The following PCDHA2 variants were observed in gnomAD, a reference collection of about 807,000 sequenced individuals.
PCDHA2 encodes protocadherin alpha-2.
A neutral mutation model predicts 66.0 loss-of-function variants in PCDHA2; 58 were observed. That is an observed-to-expected ratio of 0.88 (90% CI 0.71 to 1.09). PCDHA2 has a LOEUF of 1.09. PCDHA2 is among the 50% of genes least tolerant of loss of function. PCDHA2 has a pLI of 0.00. For synonymous variants in PCDHA2, 634 were observed against 554.0 expected, an observed-to-expected ratio of 1.14 and a Z score of -2.03; for missense variants, 1,267 against 1,242.3, an observed-to-expected ratio of 1.02 and a Z score of -0.30.
At chr5:140,892,891 C>T (rs563104545) in intron 1 of PCDHA2, among the ~76,000 whole-genome samples, 1 of 152,264 alleles carries the variant, frequency 6.6e-6, no homozygotes, top group South Asian at 2.1e-4. Context: ...ATTAACCAAC[C>T]TTTCCCCATC....
rs376836131 is a variant in PCDHA2, at chr5:140,804,922, T to C, written c.2388+7570T>C. Reference sequence around the variant, plus strand: ...CTTCCATTTTCTTTATTTCCTTTTTTGGCACTATCCTTTGTTGCTCCCTTG... The same window carrying C: ...CTTCCATTTTCTTTATTTCCTTTTTCGGCACTATCCTTTGTTGCTCCCTTG... On this transcript the variant is annotated intron_variant, in intron 1 of 3. Coordinates refer to ENST00000526136, the MANE Select transcript of PCDHA2 (RefSeq NM_018905.3). 9 of 985,190 alleles carry C rather than the reference T, an allele frequency of 9.1e-6. No homozygotes were observed. In the African/African-American group the frequency reaches 1.2e-4, roughly 13 times the overall value. 61.0% of individuals were successfully genotyped at this position (985,190 alleles called of 1,614,324 possible). A position where few individuals can be genotyped will look rare whatever the true frequency, so the allele number is the denominator to read the frequency against.
At chr5:140,936,266 A>G (rs1407459228) in intron 1 of PCDHA2, among the ~76,000 whole-genome samples, 1 of 152,182 alleles carries the variant, frequency 6.6e-6, no homozygotes, top group African/African-American at 2.4e-5. Context: ...TCATGAAGAT[A>G]TATTCCTGTG....
At chr5:140,818,362 T>C (rs182657876) in intron 1 of PCDHA2, among the ~76,000 whole-genome samples, 93 of 152,386 alleles carry the variant, frequency 6.1e-4, no homozygotes, top group Non-Finnish European at 1.1e-3. Context: ...ATTGATTGAA[T>C]TCTTAACTTG....
At chr5:140,798,983 C>T (rs1302935518) in intron 1 of PCDHA2, among the ~76,000 whole-genome samples, 1 of 152,178 alleles carries the variant, frequency 6.6e-6, no homozygotes, top group Non-Finnish European at 1.5e-5. Flanking sequence ...TCAGAATATC[C>T]ATTTCCAAGT....
At chr5:140,815,238 G>A (rs1765681734) in intron 1 of PCDHA2, 1 of 151,936 alleles carries the variant, frequency 6.6e-6, no homozygotes, top group African/African-American at 2.4e-5. Flanking sequence ...GTTAATTGTT[G>A]TTTGCAGCTT....
chr5:140,808,653 T>C (rs1554124677), intron 1 of PCDHA2: 2 of 1,613,224 alleles, frequency 1.2e-6, no homozygotes, highest in Admixed American at 1.7e-5. Flanking sequence ...GAGAACGCGC[T>C]GGTGTCCTAC....
intron 1 of PCDHA2, chr5:140,862,219 T>C: frequency 4.8e-6 from 1 of 206,310 alleles, no homozygotes; most frequent in Non-Finnish European, 9.9e-6. Flanking sequence ...ACAGACTTGA[T>C]AGAAGTCTTG....
intron 1 of PCDHA2, among the ~76,000 whole-genome samples, chr5:140,914,496 C>A (rs782459538): frequency 1.2e-4 from 19 of 152,136 alleles, no homozygotes; most frequent in Non-Finnish European, 4.4e-5. Context: ...TTGTGGGCAA[C>A]AGATCATTGG....
intron 1 of PCDHA2, among the ~76,000 whole-genome samples, chr5:140,894,932 A>G (rs2064735231): frequency 6.6e-6 from 1 of 152,184 alleles, no homozygotes; most frequent in Non-Finnish European, 1.5e-5. Flanking sequence ...ATTTCTATTC[A>G]GCTATTGTCA....
In PCDHA2 at chr5:140,843,765, A is replaced by G. The variant is rs2150366342; in HGVS notation, c.2388+46413A>G. 3 of 1,487,856 alleles carry G rather than the reference A, an allele frequency of 2.0e-6. No homozygotes were observed. In the South Asian group the frequency reaches 3.6e-5, roughly 18 times the overall value. The allele number at this position is 1,487,856 out of a possible 1,614,324, so 92.2% of individuals were successfully genotyped here. On this transcript the variant is annotated intron_variant, in intron 1 of 3. Transcript: ENST00000526136. ...CATAAATTCTATTTGTGGAAATTGT[A>G]GTTACTTTAAAAGTGTTTCAGATTT...
intron 1 of PCDHA2, among the ~76,000 whole-genome samples, chr5:140,961,356 CA>C (rs1164957121): frequency 1.3e-5 from 2 of 152,168 alleles, no homozygotes; most frequent in Non-Finnish European, 2.9e-5. Context: ...CTGTAGTCCC[CA>C]TTAGAATTCT....
chr5:140,851,307 T>C (rs1562478803), intron 1 of PCDHA2: 21 of 1,000,198 alleles, frequency 2.1e-5, no homozygotes, highest in Non-Finnish European at 2.6e-5. Context: ...TATATAGCAA[T>C]TGTTACCTTG....
chr5:140,801,278 G>A, intron 1 of PCDHA2: 1 of 1,613,596 alleles, frequency 6.2e-7, no homozygotes, highest in Non-Finnish European at 8.5e-7. Flanking sequence ...CGGAGGTGGG[G>A]AGCGGCCAGC....
intron 1 of PCDHA2, chr5:140,842,164 T>A (rs1246524333): frequency 1.3e-5 from 21 of 1,613,778 alleles, no homozygotes; most frequent in Non-Finnish European, 1.6e-5. Context: ...CATATTCTTT[T>A]AATAGCCTTG....
chr5:140,943,505 T>C (rs938907371), intron 1 of PCDHA2, among the ~76,000 whole-genome samples: 13 of 152,106 alleles, frequency 8.5e-5, no homozygotes, highest in Non-Finnish European at 1.8e-4. Flanking sequence ...TCAAGGTTCA[T>C]GGAAATGTTG....
In PCDHA2 at chr5:140,796,764, C is replaced by T; in HGVS notation, c.1800C>T (p.Asp600=). The T allele has an allele frequency of 6.2e-7, 1 of 1,614,148 alleles. No homozygotes were observed. Among genetic ancestry groups the T allele is most frequent in the Non-Finnish European group, 8.5e-7 (1 of 1,179,978 alleles). Residue 600 remains aspartate, a synonymous_variant, in exon 1 of 4, where the codon GAC becomes GAT. Coordinates refer to ENST00000526136, the MANE Select transcript of PCDHA2 (RefSeq NM_018905.3). ...CGAAGGTGCGCGCAGTGGACGCTGACTCAGGCTACAACGCGTGGCTTTCGT... is the reference window on the plus strand; with the variant it reads ...CGAAGGTGCGCGCAGTGGACGCTGATTCAGGCTACAACGCGTGGCTTTCGT... ...VVAKVRAVDA[D]SGYNAWLSYE... is the part of the protein sequence containing the mutation.
intron 1 of PCDHA2, chr5:140,803,010 G>C: frequency 2.5e-6 from 4 of 1,614,028 alleles, no homozygotes; most frequent in Non-Finnish European, 3.4e-6. Context: ...AGGCTACAAC[G>C]CGTGGCTTTC....
At position 140,834,666 on chromosome 5, in the gene PCDHA2, C is replaced by G. The variant is rs2150223813; in HGVS notation, c.2388+37314C>G. The G allele has an allele frequency of 1.1e-5, 17 of 1,614,250 alleles. No individual in the cohort carries two copies. In the East Asian group the frequency reaches 3.8e-4, roughly 36 times the overall value. On this transcript the variant is annotated intron_variant, in intron 1 of 3. Transcript: ENST00000526136. Reference sequence around the variant, plus strand: ...GAATTCTCGGATCGACCGCGAGGAGCTGTGCGGGCGGAGCGCGGAGTGCAG... The same window carrying G: ...GAATTCTCGGATCGACCGCGAGGAGGTGTGCGGGCGGAGCGCGGAGTGCAG...
At chr5:141,009,602 T>G in intron 3 of PCDHA2, 25 bp from the exon 4 acceptor site, 1 of 1,608,136 alleles carries the variant, frequency 6.2e-7, no homozygotes, top group Non-Finnish European at 8.5e-7. Flanking sequence ...ACCCTGTTAA[T>G]GATTTGTAAT....
Sources: gnomAD v4.1 joint callset for allele counts (sites outside exome capture counted in the v4.1 genomes callset) on GRCh38, gnomAD v4.1.1 for gene constraint, MANE v1.5 for transcripts, NCBI Gene and HGNC (gene_info 2026-07-23, HGNC 2026-07-21) for gene names.